ADAM19: variants seen among roughly 807,000 people sequenced by gnomAD.
The protein encoded by ADAM19 is ADAM metallopeptidase domain 19, also known as disintegrin and metalloproteinase domain-containing protein 19.
In ADAM19, 65 loss-of-function variants were observed where a neutral mutation model predicts 114.7. The observed-to-expected ratio is 0.57, with a 90% CI of 0.46 to 0.70. The LOEUF is 0.70. ADAM19 is among the 30% of genes least tolerant of loss of function. The pLI is 0.00. For synonymous variants in ADAM19, 466 were observed against 460.5 expected (o/e 1.01, Z -0.15); for missense variants, 1,063 against 1,204.7 (o/e 0.88, Z 1.74).
intron 3 of ADAM19, among the ~76,000 whole-genome samples, chr5:157,541,150 G>C (rs1328685019): frequency 6.6e-6 from 1 of 152,106 alleles, no homozygotes; most frequent in Non-Finnish European, 1.5e-5. Context: ...TGGTCACTGA[G>C]CAGCCCGGCC....
intron 19 of ADAM19, 144 bp from the exon 20 acceptor site, chr5:157,489,330 C>G (rs1364580732): frequency 3.1e-6 from 2 of 646,254 alleles, no homozygotes; most frequent in South Asian, 1.7e-5. Context: ...TTGGTCTTCT[C>G]GAACCACATC....
chr5:157,527,302 C>G (rs1353393788), intron 5 of ADAM19, among the ~76,000 whole-genome samples: 1 of 152,146 alleles, frequency 6.6e-6, no homozygotes. Flanking sequence ...GCTCCGCCTC[C>G]CGGGTTCACG....
chr5:157,520,094 A>T (rs2113741402), intron 5 of ADAM19, 63 bp from the exon 6 acceptor site: 1 of 1,497,534 alleles, frequency 6.7e-7, no homozygotes, highest in Non-Finnish European at 9.1e-7. Context: ...TCCCTTGTGT[A>T]GGTCTTAGTT....
At position 157,502,887 on chromosome 5, in the gene ADAM19, T is replaced by G; in HGVS notation, c.1224A>C (p.Pro408=). 6.2e-7 allele frequency: 1 copy of G among 1,614,206 alleles called. No individual in the cohort carries two copies. Among genetic ancestry groups the G allele is most frequent in the Non-Finnish European group, 8.5e-7 (1 of 1,180,040 alleles). Residue 408 remains proline (P), a synonymous_variant, in exon 12 of 23, where the codon CCA becomes CCC. Coordinates refer to ENST00000257527, the MANE Select transcript of ADAM19 (RefSeq NM_033274.5). ...SGGGMCLSNM[P]DTRMLYGGRR... ...GGCCTCCATACAACATCCTGGTGTC[T>G]GGCATGTTGGAGAGACACATTCCAC...
intron 20 of ADAM19, 91 bp downstream of exon 20, chr5:157,489,011 C>A: frequency 1.0e-6 from 1 of 996,482 alleles, no homozygotes; most frequent in Non-Finnish European, 1.6e-6. Context: ...GCCTGGGCGA[C>A]AGGGCAAGAC....
At chr5:157,567,640 A>C (rs948117591) in intron 2 of ADAM19, among the ~76,000 whole-genome samples, 10 of 152,140 alleles carry the variant, frequency 6.6e-5, no homozygotes, top group Admixed American at 5.2e-4. Flanking sequence ...TCTACTAAAA[A>C]TACAAAATTA....
chr5:157,525,318 T>C (rs1756422020), intron 5 of ADAM19, among the ~76,000 whole-genome samples: 1 of 152,196 alleles, frequency 6.6e-6, no homozygotes, highest in African/African-American at 2.4e-5. Context: ...TGGCTGTGTG[T>C]ATATGAGCCA....
chr5:157,504,890 C>T (rs28503185), intron 11 of ADAM19, among the ~76,000 whole-genome samples: 5 of 151,368 alleles, frequency 3.3e-5, no homozygotes, highest in Admixed American at 1.3e-4. Flanking sequence ...GAGGCCGAGG[C>T]GGGTGGATCA....
chr5:157,500,628 T>C (rs1462954165), intron 12 of ADAM19, among the ~76,000 whole-genome samples: 6 of 152,130 alleles, frequency 3.9e-5, no homozygotes, highest in Admixed American at 3.9e-4. Context: ...GAACAACCTC[T>C]CCAAACAGTT....
rs200826711 is a variant in ADAM19 at position 157,514,326 on chromosome 5, C to CTTTTTTTTTTTTTTTTTTTTTTT, written c.667-822_667-821insAAAAAAAAAAAAAAAAAAAAAAA. Among the ~76,000 whole-genome samples, 2 of 141,690 alleles carry CTTTTTTTTTTTTTTTTTTTTTTT rather than the reference C, an allele frequency of 1.4e-5. 1 individual carries two copies. The highest frequency in any genetic ancestry group is 5.4e-5 in the African/African-American group (2 of 37,242). The allele number at this position is 141,690 out of a possible 152,430, so 93.0% of individuals were successfully genotyped here. ...AGACTGCATCGATTCAATCACATTT[C>CTTTTTTTTTTTTTTTTTTTTTTT]TTTCTTTTTTTTTTTTTTTTGAGAC... On this transcript the variant is annotated intron_variant, in intron 7 of 22. Coordinates refer to ENST00000257527, the MANE Select transcript of ADAM19 (RefSeq NM_033274.5).
In ADAM19 at chr5:157,509,316, T is replaced by C. The variant is rs1434574039; in HGVS notation, c.890A>G (p.Asn297Ser). The C allele has an allele frequency of 6.2e-7, 1 of 1,608,722 alleles. No homozygotes were observed. Among genetic ancestry groups the C allele is most frequent in the Non-Finnish European group, 8.5e-7 (1 of 1,176,920 alleles). ...RKLLAQKYHD[N>S]AQLITGMSFH... ...GGCTATTTACGTGATTAATTGGGCG[T>C]TGTCATGGTACTTCTGGGCAAGCAG... The change falls in exon 9 of 23, where the codon AAC (asparagine) becomes AGC (serine). Residue 297 changes from asparagine to serine, a missense_variant. By Grantham distance (46) the Asn-to-Ser change is conservative. This residue lies in a region of ADAM19 where 615 missense variants were observed against 706.3 expected (regional missense o/e 0.87). Coordinates refer to ENST00000257527, the MANE Select transcript of ADAM19 (RefSeq NM_033274.5).
At chr5:157,575,570 C>A in intron 1 of ADAM19, 33 bp downstream of exon 1, 1 of 1,437,236 alleles carries the variant, frequency 7.0e-7, no homozygotes, top group Non-Finnish European at 9.1e-7. Flanking sequence ...TCCGGGCCAC[C>A]CAGCCTCCAT....
At position 157,507,964 on chromosome 5, in the gene ADAM19, A is replaced by G. The variant is rs114766896; in HGVS notation, c.906-824T>C. Among the ~76,000 whole-genome samples, 441 of 152,374 alleles carry G rather than the reference A, an allele frequency of 2.9e-3. 3 individuals carry two copies. The highest frequency in any genetic ancestry group is 9.9e-3 in the African/African-American group (411 of 41,592). On this transcript the variant is annotated intron_variant, in intron 9 of 22. Transcript: ENST00000257527. The stretch of plus-strand genomic sequence containing the variant: ...TCTCATCTAGACCATGATATCTTTG[A>G]CAGCAAGACTATCTTAACTATTTTG...
At chr5:157,483,959 T>A (rs1174715231) in intron 21 of ADAM19, among the ~76,000 whole-genome samples, 1 of 151,682 alleles carries the variant, frequency 6.6e-6, no homozygotes, top group Non-Finnish European at 1.5e-5. Flanking sequence ...TTTTTTTTTT[T>A]AACAAGAGCA....
At chr5:157,511,955 C>T (rs1279724871) in intron 8 of ADAM19, among the ~76,000 whole-genome samples, 1 of 152,196 alleles carries the variant, frequency 6.6e-6, no homozygotes, top group Non-Finnish European at 1.5e-5. Flanking sequence ...CCATCACATA[C>T]CCCACAGAGG....
At chr5:157,510,764 T>A (rs1755895126) in intron 8 of ADAM19, among the ~76,000 whole-genome samples, 1 of 152,260 alleles carries the variant, frequency 6.6e-6, no homozygotes, top group African/African-American at 2.4e-5. Context: ...TATTCTTTCG[T>A]ATGGATATAC....
At chr5:157,571,785 C>T (rs1002549985) in intron 1 of ADAM19, among the ~76,000 whole-genome samples, 2 of 152,028 alleles carry the variant, frequency 1.3e-5, no homozygotes, top group African/African-American at 2.4e-5. Flanking sequence ...AGGAATGAAG[C>T]GGTGGGATTC....
intron 5 of ADAM19, among the ~76,000 whole-genome samples, chr5:157,523,691 T>TA (rs1331290022): frequency 2.6e-5 from 4 of 152,170 alleles, no homozygotes; most frequent in African/African-American, 9.7e-5. Flanking sequence ...TAAGCCAAAA[T>TA]AAACCTCTTT....
chr5:157,511,824 G>A (rs1025195510), intron 8 of ADAM19, among the ~76,000 whole-genome samples: 1 of 152,194 alleles, frequency 6.6e-6, no homozygotes, highest in Non-Finnish European at 1.5e-5. Context: ...CACCAGCCGC[G>A]AGGAGAGAGC....
Sources: gnomAD v4.1 joint callset for allele counts (sites outside exome capture counted in the v4.1 genomes callset) on GRCh38, gnomAD v4.1.1 for gene constraint, gnomAD v4.1.1 regional missense constraint, MANE v1.5 for transcripts, NCBI Gene and HGNC (gene_info 2026-07-23, HGNC 2026-07-21) for gene names.